BBX: variants seen among roughly 807,000 people sequenced by gnomAD.
BBX encodes HMG box transcription factor BBX.
Under a neutral mutation model 100.2 loss-of-function variants are expected in BBX, and 30 were observed. The ratio of observed to expected loss-of-function variants is 0.30; its 90% confidence interval spans 0.22 to 0.41. BBX has a LOEUF of 0.41. BBX is among the 10% of genes least tolerant of loss of function. The pLI, the probability that BBX is intolerant of heterozygous loss-of-function variation, is 1.00. For synonymous variants in BBX, 376 were observed against 388.1 expected (o/e 0.97, Z 0.37); for missense variants, 1,023 against 1,129.8 (o/e 0.91, Z 1.35).
chr3:107,596,225 A>C (rs993778435), intron 2 of BBX, among the ~76,000 whole-genome samples: 4 of 151,988 alleles, frequency 2.6e-5, no homozygotes, highest in Non-Finnish European at 5.9e-5. Flanking sequence ...GCTGATTTCC[A>C]TGCCTACTGC....
intron 17 of BBX, among the ~76,000 whole-genome samples, chr3:107,803,977 C>G (rs2070811614): frequency 6.9e-6 from 1 of 144,544 alleles, no homozygotes; most frequent in South Asian, 2.2e-4. Context: ...TTTTCTAATA[C>G]TTATTAAAAT....
chr3:107,579,808 G>A (rs965905654), intron 2 of BBX, among the ~76,000 whole-genome samples: 2 of 152,052 alleles, frequency 1.3e-5, no homozygotes, highest in African/African-American at 2.4e-5. Context: ...TTACCATATC[G>A]GTCTTCATTC....
chr3:107,579,117 C>A (rs1488181090), intron 2 of BBX, among the ~76,000 whole-genome samples: 1 of 152,108 alleles, frequency 6.6e-6, no homozygotes, highest in Admixed American at 6.5e-5. Flanking sequence ...TATTTTTTCT[C>A]ACTTTCACAT....
chr3:107,526,057 TGTG>T (rs1240842878), intron 1 of BBX, among the ~76,000 whole-genome samples: 1 of 152,164 alleles, frequency 6.6e-6, no homozygotes, highest in African/African-American at 2.4e-5. Flanking sequence ...GCTTTGTACA[TGTG>T]GGGAGTAGGA....
chr3:107,594,530 A>T (rs1175905879), intron 2 of BBX, among the ~76,000 whole-genome samples: 1 of 152,136 alleles, frequency 6.6e-6, no homozygotes, highest in African/African-American at 2.4e-5. Context: ...ATTTCCAGAG[A>T]GATCGCATTT....
At position 107,694,121 on chromosome 3, in the gene BBX, A is replaced by T. The variant is rs1197148850; in HGVS notation, c.-9-16331A>T. ...TGAGACAATGGGGTTTTCTAGATAT[A>T]CAATCATGTCGTCTGCAAACAGGGA... On this transcript the variant is annotated intron_variant, in intron 3 of 17. Coordinates refer to ENST00000325805, the MANE Select transcript of BBX (RefSeq NM_001142568.3). Among the ~76,000 whole-genome samples, 563 of 125,158 alleles carry T rather than the reference A, an allele frequency of 4.5e-3. 5 individuals carry two copies. Among genetic ancestry groups the T allele is most frequent in the African/African-American group, 0.018 (537 of 30,610 alleles). The allele number at this position is 125,158 out of a possible 152,430, so 82.1% of individuals were successfully genotyped here.
intron 5 of BBX, among the ~76,000 whole-genome samples, chr3:107,728,162 T>C (rs2063089497): frequency 6.6e-6 from 1 of 152,174 alleles, no homozygotes; most frequent in Non-Finnish European, 1.5e-5. Context: ...CATTCAGTTA[T>C]GTATGCTCAT....
chr3:107,750,323 C>T (rs1486153019), intron 9 of BBX, among the ~76,000 whole-genome samples: 1 of 152,042 alleles, frequency 6.6e-6, no homozygotes, highest in African/African-American at 2.4e-5. Flanking sequence ...AATTTGAAAA[C>T]TTATTAGGAG....
intron 2 of BBX, among the ~76,000 whole-genome samples, chr3:107,588,599 G>A (rs1038855490): frequency 6.6e-6 from 1 of 152,108 alleles, no homozygotes; most frequent in African/African-American, 2.4e-5. Context: ...GGGTGACTTT[G>A]TTTAAGCTGC....
chr3:107,570,941 C>T lies in BBX; in HGVS notation c.-84+44543C>T, dbSNP rs183667286. 1.6e-3 allele frequency among the ~76,000 whole-genome samples: 237 copies of T among 152,066 alleles called. 2 individuals are homozygous for T. Among genetic ancestry groups the T allele is most frequent in the Middle Eastern group, 6.8e-3 (2 of 294 alleles). On this transcript the variant is annotated intron_variant, in intron 2 of 17. Transcript: ENST00000325805. ...CCTCAGACCCATTTGCCCATTTTTT[C>T]GACAAAAATCATCCAGATAAAATGG...
intron 2 of BBX, among the ~76,000 whole-genome samples, chr3:107,592,237 C>T (rs1057473625): frequency 4.0e-5 from 6 of 151,244 alleles, no homozygotes; most frequent in Non-Finnish European, 7.4e-5. Context: ...TTTAGTGGTG[C>T]GCACGTGTGG....
intron 15 of BBX, among the ~76,000 whole-genome samples, chr3:107,793,138 C>T (rs2069229297): frequency 1.3e-5 from 2 of 152,048 alleles, no homozygotes; most frequent in African/African-American, 4.8e-5. Context: ...TTCTGTTTCC[C>T]CTCTAACACT....
intron 2 of BBX, among the ~76,000 whole-genome samples, chr3:107,632,747 T>G (rs983994870): frequency 3.3e-5 from 5 of 152,208 alleles, no homozygotes; most frequent in African/African-American, 1.2e-4. Context: ...GATCTTCAAT[T>G]CTGGGGTGCA....
At chr3:107,736,728 TTATTC>T (rs958275591) in intron 7 of BBX, among the ~76,000 whole-genome samples, 2 of 152,110 alleles carry the variant, frequency 1.3e-5, no homozygotes, top group African/African-American at 4.8e-5. Context: ...GAAGGGGCAG[TTATTC>T]ACCATGTCAT....
intron 11 of BBX, 76 bp from the exon 12 acceptor site, chr3:107,774,643 G>A (rs2067179973): frequency 2.7e-6 from 4 of 1,477,112 alleles, no homozygotes; most frequent in Non-Finnish European, 3.7e-6. Flanking sequence ...TCAAGAGGTT[G>A]CTCGTGAAGC....
chr3:107,796,762 T>A (rs1344782203), intron 15 of BBX, among the ~76,000 whole-genome samples: 1 of 152,058 alleles, frequency 6.6e-6, no homozygotes, highest in Non-Finnish European at 1.5e-5. Flanking sequence ...CACTGGCCTA[T>A]GTTAAGCTAA....
At chr3:107,656,585 G>C (rs1436876569) in intron 3 of BBX, among the ~76,000 whole-genome samples, 1 of 152,178 alleles carries the variant, frequency 6.6e-6, no homozygotes, top group Non-Finnish European at 1.5e-5. Flanking sequence ...GCTTGTGAGA[G>C]TTTGTGCTCT....
At chr3:107,642,280 A>G (rs2057258910) in intron 2 of BBX, among the ~76,000 whole-genome samples, 1 of 152,220 alleles carries the variant, frequency 6.6e-6, no homozygotes, top group Admixed American at 6.5e-5. Context: ...ATTATATTAC[A>G]TGGAGGTAAA....
At chr3:107,531,574 G>GT (rs992851611) in intron 2 of BBX, among the ~76,000 whole-genome samples, 193 of 144,874 alleles carry the variant, frequency 1.3e-3, no homozygotes, top group Middle Eastern at 3.5e-3. Flanking sequence ...AAGCCTTTTA[G>GT]TTTTTTTTTT....
Sources: gnomAD v4.1 joint callset for allele counts (sites outside exome capture counted in the v4.1 genomes callset) on GRCh38, gnomAD v4.1.1 for gene constraint, MANE v1.5 for transcripts, NCBI Gene and HGNC (gene_info 2026-07-23, HGNC 2026-07-21) for gene names.